The following ANKS1A variants were observed in gnomAD, a reference collection of about 807,000 sequenced individuals.
ANKS1A encodes ankyrin repeat and sterile alpha motif domain containing 1A, also known as ankyrin repeat and SAM domain-containing protein 1A.
Under a neutral mutation model 120.3 loss-of-function variants are expected in ANKS1A, and 55 were observed. The ratio of observed to expected loss-of-function variants is 0.46; its 90% CI spans 0.37 to 0.57. The LOEUF is 0.57. Among genes scored for constraint, ANKS1A ranks in the 20% least tolerant of loss-of-function variants. ANKS1A has a pLI of 0.00. For synonymous variants in ANKS1A, 590 were observed against 604.7 expected, an observed-to-expected ratio of 0.98 and a Z score of 0.36; for missense variants, 1,123 against 1,480.3, an observed-to-expected ratio of 0.76 and a Z score of 3.96.
chr6:35,095,661 A>G (rs2127624663), downstream of ANKS1A, among the ~76,000 whole-genome samples: 1 of 151,892 alleles, frequency 6.6e-6, no homozygotes, highest in African/African-American at 2.4e-5. Flanking sequence ...AAAAAAAAAA[A>G]AAAGCTGGAG....
intron 3 of ANKS1A, among the ~76,000 whole-genome samples, chr6:34,981,215 A>G (rs904006328): frequency 2.0e-5 from 3 of 152,242 alleles, no homozygotes; most frequent in African/African-American, 7.2e-5. Context: ...GAAGCTGTGC[A>G]GATGAAAAAC....
chr6:35,088,627 C>T lies in ANKS1A; in HGVS notation c.*18C>T. Reference sequence around the variant, plus strand: ...CAAGCTGAGCCACTGAGGAACCACACTGTGCTGCGGAAACATAGACGTGGG... The same window carrying T: ...CAAGCTGAGCCACTGAGGAACCACATTGTGCTGCGGAAACATAGACGTGGG... On this transcript the variant is annotated 3_prime_UTR_variant, in exon 24 of 24. Transcript: ENST00000360359. 2 of 1,614,256 alleles carry T rather than the reference C, an allele frequency of 1.2e-6. No homozygotes were observed. The highest frequency in any genetic ancestry group is 1.7e-6 in the Non-Finnish European group (2 of 1,180,048).
At chr6:35,012,521 C>T (rs1431298787) in intron 10 of ANKS1A, among the ~76,000 whole-genome samples, 1 of 152,192 alleles carries the variant, frequency 6.6e-6, no homozygotes, top group African/African-American at 2.4e-5. Context: ...GACACTGGGT[C>T]CCCCAGCCTT....
Position 34,893,085 on chromosome 6 carries a change from C to T in ANKS1A, c.197+3486C>T, listed in dbSNP as rs945491407. Among the ~76,000 whole-genome samples, 5 of 152,170 alleles carry T rather than the reference C, an allele frequency of 3.3e-5. No homozygotes were observed. The East Asian group carries it at 9.6e-4, about 29-fold the overall frequency. On this transcript the variant is annotated intron_variant, in intron 1 of 23. Transcript: ENST00000360359. ...CTGCCACCACTGACTAGCTGCTTGA[C>T]ATTATTCAAGTTAACCACTTTGATA...
In ANKS1A at chr6:35,057,473, T is replaced by C. The variant is rs1776274465; in HGVS notation, c.2078-2674T>C. Among the ~76,000 whole-genome samples the C allele has an allele frequency of 6.6e-6, 1 of 152,216 alleles. No individual in the cohort carries two copies. The highest frequency in any genetic ancestry group is 2.4e-5 in the African/African-American group (1 of 41,454). ...AACCCTCTCTTTTCCAGGGCTCATC[T>C]ACAGCCTATTGGGATACCAGTATCT... On this transcript the variant is annotated intron_variant, in intron 12 of 23. Coordinates refer to ENST00000360359, the MANE Select transcript of ANKS1A (RefSeq NM_015245.3). The surrounding 1 kb of genome is among the most constrained non-coding windows in gnomAD (Gnocchi z 4.1).
intron 1 of ANKS1A, among the ~76,000 whole-genome samples, chr6:34,966,604 C>T (rs1303462621): frequency 6.6e-6 from 1 of 152,136 alleles, no homozygotes; most frequent in Non-Finnish European, 1.5e-5. Flanking sequence ...CTGGTCAATG[C>T]AGTAAGGCCA....
chr6:35,089,395 G>A lies in ANKS1A; in HGVS notation c.*786G>A. Reference sequence around the variant, plus strand: ...TCTCCCTGGCCTCTTACCTGTCAGTGATCGGAGCACTGCCCTGGGCTGGCC... The same window carrying A: ...TCTCCCTGGCCTCTTACCTGTCAGTAATCGGAGCACTGCCCTGGGCTGGCC... On this transcript the variant is annotated 3_prime_UTR_variant, in exon 24 of 24. Coordinates refer to ENST00000360359, the MANE Select transcript of ANKS1A (RefSeq NM_015245.3). The A allele has an allele frequency of 2.0e-6, 2 of 986,746 alleles. No individual in the cohort carries two copies. Among genetic ancestry groups the A allele is most frequent in the Non-Finnish European group, 2.4e-6 (2 of 830,608 alleles). The allele number at this position is 986,746 out of a possible 1,614,324, so 61.1% of individuals were successfully genotyped here.
chr6:34,950,633 A>C (rs185443325), intron 1 of ANKS1A, among the ~76,000 whole-genome samples: 104 of 152,312 alleles, frequency 6.8e-4, no homozygotes, highest in African/African-American at 2.3e-3. Flanking sequence ...AGCAAGGTGA[A>C]GGGGTCAGTG....
Position 35,083,455 on chromosome 6 carries a change from C to G in ANKS1A, c.2946C>G (p.Ile982Met), listed in dbSNP as rs371531749. The G allele has an allele frequency of 6.2e-7, 1 of 1,614,106 alleles. No individual in the cohort carries two copies. Residue 982 changes from isoleucine to methionine, a missense_variant, in exon 20 of 24, where the codon ATC (isoleucine) becomes ATG (methionine). Physicochemically the swap from Ile to Met is conservative, Grantham distance 10. Transcript: ENST00000360359. ...TEHMKKIPTI[I>M]LSITYKGVKF... Reference sequence around the variant, plus strand: ...ACATGAAGAAGATCCCCACCATCATCCTGTCCATCACATACAAAGGTGTCA... The same window carrying G: ...ACATGAAGAAGATCCCCACCATCATGCTGTCCATCACATACAAAGGTGTCA...
intron 1 of ANKS1A, among the ~76,000 whole-genome samples, chr6:34,943,897 G>A (rs985210823): frequency 2.0e-5 from 3 of 152,120 alleles, no homozygotes; most frequent in Non-Finnish European, 4.4e-5. Context: ...AGCTCATTTG[G>A]GTAAATACCC....
chr6:35,092,513 G>A (rs1399894529), downstream of ANKS1A, among the ~76,000 whole-genome samples: 1 of 152,202 alleles, frequency 6.6e-6, no homozygotes, highest in Admixed American at 6.5e-5. Flanking sequence ...GCCACACTGC[G>A]TTGAGTTGGG....
intron 1 of ANKS1A, among the ~76,000 whole-genome samples, chr6:34,918,636 A>G (rs1243578820): frequency 6.6e-6 from 1 of 152,188 alleles, no homozygotes; most frequent in African/African-American, 2.4e-5. Flanking sequence ...TACGACGTTG[A>G]GCATATTGTC....
rs1224969686 is a variant in ANKS1A at position 35,058,919 on chromosome 6, C to A, written c.2078-1228C>A. ...AGATGTCCTCCCTTCCCTGCTCATC[C>A]TTAGAGGAGAACGCCAAGATCCAGA... On this transcript the variant is annotated intron_variant, in intron 12 of 23. Coordinates refer to ENST00000360359, the MANE Select transcript of ANKS1A (RefSeq NM_015245.3). The surrounding 1 kb of genome is among the most constrained non-coding windows in gnomAD (Gnocchi z 5.1). Among the ~76,000 whole-genome samples, 4 of 152,174 alleles carry A rather than the reference C, an allele frequency of 2.6e-5. No homozygotes were observed. The highest frequency in any genetic ancestry group is 9.7e-5 in the African/African-American group (4 of 41,442).
chr6:34,898,843 A>G (rs923369091), intron 1 of ANKS1A, among the ~76,000 whole-genome samples: 1 of 152,108 alleles, frequency 6.6e-6, no homozygotes, highest in Non-Finnish European at 1.5e-5. Flanking sequence ...TTTTAAATGG[A>G]TGTGATATCC....
chr6:35,051,831 A>G (rs1411950004), intron 11 of ANKS1A, among the ~76,000 whole-genome samples: 4 of 152,370 alleles, frequency 2.6e-5, no homozygotes, highest in East Asian at 1.9e-4. Flanking sequence ...AAATATTTTT[A>G]CAACTTTAAA....
chr6:34,895,471 C>T (rs1767023740), intron 1 of ANKS1A, among the ~76,000 whole-genome samples: 1 of 152,144 alleles, frequency 6.6e-6, no homozygotes, highest in South Asian at 2.1e-4. Context: ...AATGGCGTGA[C>T]AGCCTTTTCT....
At chr6:34,954,953 C>G (rs1441007593) in intron 1 of ANKS1A, among the ~76,000 whole-genome samples, 1 of 151,512 alleles carries the variant, frequency 6.6e-6, no homozygotes, top group Non-Finnish European at 1.5e-5. Context: ...TGTCCACTGC[C>G]TCCCCCTTCA....
intron 13 of ANKS1A, among the ~76,000 whole-genome samples, chr6:35,061,857 G>A (rs975125296): frequency 6.6e-6 from 1 of 152,192 alleles, no homozygotes; most frequent in African/African-American, 2.4e-5. Flanking sequence ...CCCCTGGCTC[G>A]GAGTGTTGAG....
chr6:34,923,087 A>G (rs1211282416), intron 1 of ANKS1A, among the ~76,000 whole-genome samples: 1 of 152,230 alleles, frequency 6.6e-6, no homozygotes, highest in Admixed American at 6.5e-5. Flanking sequence ...TAGAAAGACT[A>G]CGATGCGTGG....
Sources: allele counts gnomAD v4.1 joint callset (sites outside exome capture counted in the v4.1 genomes callset), GRCh38; gene constraint gnomAD v4.1.1; non-coding constraint Gnocchi (gnomAD v3.1); transcripts MANE v1.5; gene names NCBI Gene and HGNC (gene_info 2026-07-23, HGNC 2026-07-21).